GINS4: variants seen among roughly 807,000 people sequenced by gnomAD.
The protein encoded by GINS4 is DNA replication complex GINS protein SLD5.
A neutral mutation model predicts 31.1 loss-of-function variants in GINS4; 20 were observed. That is an observed-to-expected ratio of 0.64 (90% CI 0.45 to 0.93). The LOEUF (loss-of-function observed/expected upper bound fraction) is 0.93, where lower values mean the gene tolerates loss of function less well. GINS4 is among the 40% of genes least tolerant of loss of function. The probability of loss-of-function intolerance (pLI) is 0.00; values close to 1 mark genes in which losing one functional copy is unlikely to be tolerated. For synonymous variants in GINS4, 85 were observed against 97.9 expected (o/e 0.87, Z 0.78); for missense variants, 245 against 273.9 (o/e 0.89, Z 0.75).
chr8:41,540,380 C>T (rs1017299157), intron 6 of GINS4: 7 of 259,400 alleles, frequency 2.7e-5, no homozygotes, highest in East Asian at 1.2e-4. Flanking sequence ...GCCATCTCTT[C>T]GTCACAGGTC....
intron 6 of GINS4, chr8:41,540,517 G>T (rs1806820273): frequency 6.4e-6 from 1 of 156,872 alleles, no homozygotes; most frequent in Non-Finnish European, 1.4e-5. Flanking sequence ...GGAGGGAGGG[G>T]AGCCGGGGAA....
Position 41,536,411 on chromosome 8 carries a change from A to G in GINS4, c.148A>G (p.Ile50Val). ...TGAGCTGCTGGAGAGCAAGCCTGAG[A>G]TTGTAGAATGTGTCATGGAACAGCT... ...APELLESKPE[I>V]VECVMEQLEH... Residue 50 changes from isoleucine to valine, a missense_variant, in exon 3 of 8, where the codon ATT becomes GTT. Physicochemically the swap from Ile to Val is conservative, Grantham distance 29. Coordinates refer to ENST00000276533, the MANE Select transcript of GINS4 (RefSeq NM_032336.3). The G allele has an allele frequency of 6.2e-7, 1 of 1,612,076 alleles. No homozygotes were observed. The highest frequency in any genetic ancestry group is 8.5e-7 in the Non-Finnish European group (1 of 1,178,186).
At chr8:41,534,119 G>A (rs1435113929) in intron 2 of GINS4, 1 of 179,510 alleles carries the variant, frequency 5.6e-6, no homozygotes, top group Admixed American at 5.8e-5. Context: ...ATTTTGATCA[G>A]GGGCCAGGCA....
intron 2 of GINS4, among the ~76,000 whole-genome samples, chr8:41,533,303 T>G (rs1468944353): frequency 2.6e-5 from 4 of 152,376 alleles, no homozygotes; most frequent in African/African-American, 7.2e-5. Context: ...TGTGGCACAC[T>G]GCTATGCCAC....
At chr8:41,540,190 C>T (rs1347869114) in intron 6 of GINS4, among the ~76,000 whole-genome samples, 186 bp downstream of exon 6, 1 of 152,220 alleles carries the variant, frequency 6.6e-6, no homozygotes, top group Non-Finnish European at 1.5e-5. Context: ...GGCATTTGAG[C>T]ATTGCTTCCT....
intron 4 of GINS4, among the ~76,000 whole-genome samples, chr8:41,539,008 T>C (rs1437846321): frequency 6.6e-6 from 1 of 150,416 alleles, no homozygotes; most frequent in African/African-American, 2.4e-5. Context: ...CCACATAAGG[T>C]TTTTGATGGC....
At chr8:41,534,447 C>T (rs1806706785) in intron 2 of GINS4, 2 of 167,442 alleles carry the variant, frequency 1.2e-5, no homozygotes, top group Admixed American at 1.2e-4. Flanking sequence ...GATTTAGATA[C>T]AAGTTTCTCA....
chr8:41,540,100 T>G (rs1806811888), intron 6 of GINS4, 96 bp downstream of exon 6: 2 of 888,026 alleles, frequency 2.3e-6, no homozygotes, highest in African/African-American at 1.7e-5. Flanking sequence ...TACAAAAAAG[T>G]AAGTATGTAG....
In GINS4 at chr8:41,539,755, A is replaced by G. The variant is rs1449206781; in HGVS notation, c.375A>G (p.Glu125=). The stretch of plus-strand genomic sequence containing the variant: ...GGGAGCCTTCCAGCCTCTCGCCGGA[A>G]GAGTTGGCCTTTGCCAGAGAGTGAG... ...PEGEPSSLSP[E]ELAFAREFMA... is the part of the protein sequence containing the mutation. Residue 125 remains glutamate, a synonymous_variant, in exon 5 of 8, where the codon GAA becomes GAG. Coordinates refer to ENST00000276533, the MANE Select transcript of GINS4 (RefSeq NM_032336.3). 2 of 1,614,102 alleles carry G rather than the reference A, an allele frequency of 1.2e-6. No homozygotes were observed. The highest frequency in any genetic ancestry group is 4.5e-5 in the East Asian group (2 of 44,888).
intron 4 of GINS4, among the ~76,000 whole-genome samples, chr8:41,538,903 G>A (rs1289905871): frequency 6.6e-6 from 1 of 151,670 alleles, no homozygotes; most frequent in African/African-American, 2.4e-5. Flanking sequence ...CACCATGTTG[G>A]CCAGGCTGAT....
At chr8:41,537,155 T>C in intron 3 of GINS4, 25 bp from the exon 4 acceptor site, 1 of 1,500,192 alleles carries the variant, frequency 6.7e-7, no homozygotes, top group Non-Finnish European at 9.3e-7. Context: ...ATGTTTTTTA[T>C]AAACCTTAAT....
rs772107093 is a variant in GINS4 at position 41,542,021 on chromosome 8, A to C, written c.606A>C (p.Ser202=). Residue 202 remains serine (S), a synonymous_variant, in exon 8 of 8, where the codon TCA becomes TCC. Transcript: ENST00000276533. ...RDYVIDLEKG[S]QHLIRYKTIA... is the part of the protein sequence containing the mutation. Reference sequence around the variant, plus strand: ...ACGTGATTGACCTGGAGAAGGGCTCACAGCACTTGATCCGATACAAAACCA... The same window carrying C: ...ACGTGATTGACCTGGAGAAGGGCTCCCAGCACTTGATCCGATACAAAACCA... 2 of 1,614,182 alleles carry C rather than the reference A, an allele frequency of 1.2e-6. No homozygotes were observed. The highest frequency in any genetic ancestry group is 1.7e-6 in the Non-Finnish European group (2 of 1,180,018).
Position 41,543,984 on chromosome 8 carries a change from GGCGTGAGCCACT to G in GINS4, c.*1901_*1912del, listed in dbSNP as rs1806890378. 1 of 152,276 alleles carries G rather than the reference GGCGTGAGCCACT, an allele frequency of 6.6e-6. No homozygotes were observed. The highest frequency in any genetic ancestry group is 2.1e-4 in the South Asian group (1 of 4,834). 9.4% of individuals were successfully genotyped at this position (152,276 alleles called of 1,614,324 possible). A position where few individuals can be genotyped will look rare whatever the true frequency, so the allele number is the denominator to read the frequency against. Reference sequence around the variant, plus strand: ...GGCCTCCCAAAGTGCTGGAATTATAGGCGTGAGCCACTGCGCACGGCCTGGGGAGGTTTTATT... The same window carrying G: ...GGCCTCCCAAAGTGCTGGAATTATAGGCGCACGGCCTGGGGAGGTTTTATT... On this transcript the variant is annotated 3_prime_UTR_variant, in exon 8 of 8. Coordinates refer to ENST00000276533, the MANE Select transcript of GINS4 (RefSeq NM_032336.3).
chr8:41,536,330 T>C (rs1806740792), intron 2 of GINS4, 30 bp from the exon 3 acceptor site: 3 of 1,408,862 alleles, frequency 2.1e-6, no homozygotes, highest in Non-Finnish European at 3.0e-6. Flanking sequence ...TGGTGGGTGA[T>C]GCTTGCTTTT....
chr8:41,536,222 C>T, intron 2 of GINS4, 138 bp from the exon 3 acceptor site: 2 of 715,840 alleles, frequency 2.8e-6, no homozygotes, highest in Non-Finnish European at 5.2e-6. Context: ...CTTCAAAACA[C>T]CTTCAATGTT....
At position 41,530,244 on chromosome 8, in the gene GINS4, G is replaced by C. The variant is rs1313589961; in HGVS notation, c.42G>C (p.Gly14=). ...EVDFLGQDSD[G]GSEEVVLTPA... Reference sequence around the variant, plus strand: ...ATTTCCTGGGACAGGACTCTGATGGGGGTAGTGAGGAAGTGGTCCTAACTC... The same window carrying C: ...ATTTCCTGGGACAGGACTCTGATGGCGGTAGTGAGGAAGTGGTCCTAACTC... Residue 14 remains glycine (G), a synonymous_variant, in exon 2 of 8, where the codon GGG becomes GGC. Coordinates refer to ENST00000276533, the MANE Select transcript of GINS4 (RefSeq NM_032336.3). The C allele has an allele frequency of 6.2e-7, 1 of 1,613,900 alleles. No homozygotes were observed. Among genetic ancestry groups the C allele is most frequent in the Non-Finnish European group, 8.5e-7 (1 of 1,179,936 alleles).
intron 4 of GINS4, among the ~76,000 whole-genome samples, chr8:41,538,823 G>C (rs1806785389): frequency 6.6e-6 from 1 of 151,858 alleles, no homozygotes; most frequent in Admixed American, 6.6e-5. Context: ...TGTTGCCTCA[G>C]CCTTCCAAGT....
At chr8:41,537,724 C>A (rs1482511885) in intron 4 of GINS4, 1 of 154,386 alleles carries the variant, frequency 6.5e-6, no homozygotes, top group Non-Finnish European at 1.4e-5. Flanking sequence ...ATCTAACTTA[C>A]AAAAATGAAG....
At position 41,541,830 on chromosome 8, in the gene GINS4, C is replaced by CT. The variant is rs1232152615; in HGVS notation, c.508dup (p.Tyr170LeufsTer21). Reference sequence around the variant, plus strand: ...GCAGTTCCCAAACCAGATCTAGATTCTTACGTGTTTCTGAGAGTGAGAGAA... The same window carrying CT: ...GCAGTTCCCAAACCAGATCTAGATTCTTTACGTGTTTCTGAGAGTGAGAGAA... On this transcript the variant is annotated frameshift_variant, in exon 7 of 8. Transcript: ENST00000276533. LOFTEE classifies it high-confidence loss of function. 3.1e-6 allele frequency: 5 copies of CT among 1,613,924 alleles called. No individual in the cohort carries two copies. The East Asian group carries it at 1.1e-4, about 36-fold the overall frequency.
Sources: allele counts gnomAD v4.1 joint callset (sites outside exome capture counted in the v4.1 genomes callset), GRCh38; gene constraint gnomAD v4.1.1; transcripts MANE v1.5; gene names NCBI Gene and HGNC (gene_info 2026-07-23, HGNC 2026-07-21).